The following BRCA1 variants were observed in gnomAD, a reference collection of about 807,000 sequenced individuals.
BRCA1 encodes breast cancer type 1 susceptibility protein.
Under a neutral mutation model 173.7 loss-of-function variants are expected in BRCA1, and 140 were observed. The observed-to-expected ratio is 0.81, with a 90% CI of 0.70 to 0.93. The LOEUF (loss-of-function observed/expected upper bound fraction) is 0.93, where lower values mean the gene tolerates loss of function less well. Among genes scored for constraint, BRCA1 ranks in the 40% least tolerant of loss-of-function variants. The pLI, the probability that BRCA1 is intolerant of heterozygous loss-of-function variation, is 0.00. For synonymous variants in BRCA1, 662 were observed against 756.0 expected (o/e 0.88, Z 2.04); for missense variants, 1,983 against 2,172.5 (o/e 0.91, Z 1.73).
chr17:43,141,678 G>A (rs2056076568), intron 1 of BRCA1, among the ~76,000 whole-genome samples: 1 of 150,720 alleles, frequency 6.6e-6, no homozygotes, highest in South Asian at 2.1e-4. Flanking sequence ...CAGGTGTGGT[G>A]ACGGGCACCT....
intron 3 of BRCA1, 50 bp from the exon 4 acceptor site, chr17:43,106,583 G>C (rs1567812556): frequency 5.8e-6 from 8 of 1,372,120 alleles, no homozygotes; most frequent in Non-Finnish European, 8.2e-6. Context: ...TCCTTTTGTA[G>C]AAAGAATACT....
At chr17:43,127,034 A>T (rs1024661981), upstream of BRCA1, among the ~76,000 whole-genome samples, 2 of 151,966 alleles carry the variant, frequency 1.3e-5, no homozygotes, top group Non-Finnish European at 2.9e-5. Context: ...TTGAATTCTC[A>T]CCGGGCCCCA....
At chr17:43,053,088 G>A (rs1395491050) in intron 19 of BRCA1, among the ~76,000 whole-genome samples, 1 of 151,906 alleles carries the variant, frequency 6.6e-6, no homozygotes, top group African/African-American at 2.4e-5. Context: ...ATGTTGGCCA[G>A]GCTGGTCTTG....
chr17:43,062,602 A>ATT (rs869283374), intron 18 of BRCA1, among the ~76,000 whole-genome samples: 1 of 146,366 alleles, frequency 6.8e-6, no homozygotes. Flanking sequence ...GCGCTGCAAA[A>ATT]TTTTTTTTTT....
rs8176286 is a variant in BRCA1 at position 43,056,450 on chromosome 17, A to G, written c.5277+602T>C. ...TGCCTCAGCTTCCCAAAGTGCTGGGATAACAGGAACGAGCCGCTGTGCCTG... is the reference window on the plus strand; with the variant it reads ...TGCCTCAGCTTCCCAAAGTGCTGGGGTAACAGGAACGAGCCGCTGTGCCTG... On this transcript the variant is annotated intron_variant, in intron 19 of 22. Coordinates refer to ENST00000357654, the MANE Select transcript of BRCA1 (RefSeq NM_007294.4). 0.014 allele frequency among the ~76,000 whole-genome samples: 2,146 copies of G among 152,276 alleles called. 53 individuals carry two copies. Among genetic ancestry groups the G allele is most frequent in the African/African-American group, 0.048 (2,012 of 41,552 alleles).
At chr17:43,053,964 C>A (rs532899955) in intron 19 of BRCA1, among the ~76,000 whole-genome samples, 1 of 148,348 alleles carries the variant, frequency 6.7e-6, no homozygotes, top group Non-Finnish European at 1.5e-5. Context: ...AGCAAAGCTT[C>A]GTCTTAAAAA....
intron 11 of BRCA1, among the ~76,000 whole-genome samples, chr17:43,088,491 T>C (rs997256487): frequency 1.3e-5 from 2 of 152,192 alleles, no homozygotes; most frequent in South Asian, 4.1e-4. Context: ...ATGTGTCCTT[T>C]GGTGTCCGGT....
Position 43,079,334 on chromosome 17 carries a change from C to T in BRCA1, c.4358-2720G>A, listed in dbSNP as rs183331660. 80 of 1,592,994 alleles carry T rather than the reference C, an allele frequency of 5.0e-5. 2 individuals are homozygous for T. In the Admixed American group the frequency reaches 1.3e-3, roughly 26 times the overall value. On this transcript the variant is annotated intron_variant, in intron 12 of 22. Coordinates refer to ENST00000357654, the MANE Select transcript of BRCA1 (RefSeq NM_007294.4). The stretch of plus-strand genomic sequence containing the variant: ...ACACAAAGGGAAAGAGGAGAGGCAC[C>T]TGATATATGTTCTCTAGGCCTTTTA...
upstream of BRCA1, among the ~76,000 whole-genome samples, chr17:43,130,387 G>T (rs374729303): frequency 2.0e-5 from 3 of 152,038 alleles, no homozygotes; most frequent in Non-Finnish European, 4.4e-5. Flanking sequence ...TGATCTTGGC[G>T]CACTGCAACC....
intron 12 of BRCA1, among the ~76,000 whole-genome samples, chr17:43,082,107 C>G (rs1362779747): frequency 6.6e-6 from 1 of 152,194 alleles, no homozygotes; most frequent in Non-Finnish European, 1.5e-5. Context: ...ACCAATTTCT[C>G]CCATTCCACT....
intron 12 of BRCA1, among the ~76,000 whole-genome samples, chr17:43,077,278 G>A (rs2052776713): frequency 6.6e-6 from 1 of 151,332 alleles, no homozygotes; most frequent in African/African-American, 2.4e-5. Flanking sequence ...TGATGAAATG[G>A]CACAAGAAGG....
At chr17:43,070,027 G>A (rs868263524) in intron 15 of BRCA1, among the ~76,000 whole-genome samples, 3 of 152,154 alleles carry the variant, frequency 2.0e-5, no homozygotes, top group South Asian at 2.1e-4. Flanking sequence ...TCCGCCTCCC[G>A]GGTTCAAGCA....
rs1029869820 is a variant in BRCA1 at position 43,096,014 on chromosome 17, G to A, written c.594-92C>T. ...CAAGATCAAACATTTTAGCTCTTTC[G>A]ATTACAGAAAGCTGACCAATCTTAT... On this transcript the variant is annotated intron_variant, in intron 8 of 22. Coordinates refer to ENST00000357654, the MANE Select transcript of BRCA1 (RefSeq NM_007294.4). 9.5e-6 allele frequency: 10 copies of A among 1,055,000 alleles called. No individual in the cohort carries two copies. In the East Asian group the frequency reaches 1.3e-4, roughly 13 times the overall value. The allele number at this position is 1,055,000 out of a possible 1,614,324, so 65.4% of individuals were successfully genotyped here.
At position 43,093,572 on chromosome 17, in the gene BRCA1, T is replaced by C. The variant is rs767530204; in HGVS notation, c.1959A>G (p.Lys653=). 4 of 1,613,962 alleles carry C rather than the reference T, an allele frequency of 2.5e-6. No homozygotes were observed. Among genetic ancestry groups the C allele is most frequent in the Non-Finnish European group, 3.4e-6 (4 of 1,180,018 alleles). The change falls in exon 10 of 23, where the codon AAA becomes AAG. Residue 653 remains lysine, a synonymous_variant. Coordinates refer to ENST00000357654, the MANE Select transcript of BRCA1 (RefSeq NM_007294.4). The stretch of plus-strand genomic sequence containing the variant: ...GCCTGACTGGCATTTGGTTGTACTT[T>C]TTTTTCTTTATCTCTTCACTGCTAG... ...SCSSSEEIKK[K]KYNQMPVRHS...
intron 4 of BRCA1, among the ~76,000 whole-genome samples, chr17:43,105,736 A>G (rs2054733235): frequency 6.6e-6 from 1 of 152,220 alleles, no homozygotes; most frequent in South Asian, 2.1e-4. Context: ...CCTACTATGT[A>G]CCAAACTTAG....
intron 1 of BRCA1, among the ~76,000 whole-genome samples, chr17:43,124,396 C>T (rs1351570107): frequency 1.3e-5 from 2 of 152,100 alleles, no homozygotes; most frequent in African/African-American, 2.4e-5. Context: ...AGTGACTGAC[C>T]GGGTAGGTGG....
At chr17:43,051,019 A>C in intron 20 of BRCA1, 44 bp downstream of exon 20, 1 of 1,581,614 alleles carries the variant, frequency 6.3e-7, no homozygotes, top group Non-Finnish European at 8.7e-7. Context: ...ACTATGTAAG[A>C]CAAAGGCTGG....
intron 19 of BRCA1, 115 bp downstream of exon 19, chr17:43,056,937 C>T (rs2051487462): frequency 1.1e-6 from 1 of 917,134 alleles, no homozygotes; most frequent in South Asian, 1.3e-5. Context: ...AAGTATCTAG[C>T]ACTGTGTATG....
intron 1 of BRCA1, among the ~76,000 whole-genome samples, chr17:43,141,166 G>A (rs1271909054): frequency 1.3e-5 from 2 of 152,136 alleles, no homozygotes; most frequent in East Asian, 1.9e-4. Context: ...GATGGGCACC[G>A]GCCTGGGAGA....
Sources: gnomAD v4.1 joint callset for allele counts (sites outside exome capture counted in the v4.1 genomes callset) on GRCh38, gnomAD v4.1.1 for gene constraint, MANE v1.5 for transcripts, NCBI Gene and HGNC (gene_info 2026-07-23, HGNC 2026-07-21) for gene names.